SMIM31: variants seen among roughly 807,000 people sequenced by gnomAD.
SMIM31 encodes the protein human epithelial cell program regulator.
intron 2 of SMIM31, among the ~76,000 whole-genome samples, chr4:164,789,384 A>G (rs1733071373): frequency 6.6e-6 from 1 of 152,234 alleles, no homozygotes; most frequent in African/African-American, 2.4e-5. Context: ...TTTCTCAAAT[A>G]TCTATATGGA....
intron 1 of SMIM31, among the ~76,000 whole-genome samples, chr4:164,758,352 T>A (rs1375103558): frequency 1.3e-5 from 2 of 152,106 alleles, no homozygotes; most frequent in African/African-American, 2.4e-5. Flanking sequence ...CTCTTTAGGC[T>A]TTTAAATTTT....
At position 164,772,582 on chromosome 4, in the gene SMIM31, T is replaced by TTTATTTTA. The variant is rs1181390403; in HGVS notation, c.112+2034_112+2035insATTATTTT. Reference sequence around the variant, plus strand: ...GAAGTTTTATTTTTTTTATTTTTATTTTATTTTTTTTTTTGAGACGGAGTC... The same window carrying TTTATTTTA: ...GAAGTTTTATTTTTTTTATTTTTATTTTATTTTATTATTTTTTTTTTTGAGACGGAGTC... On this transcript the variant is annotated intron_variant, in intron 2 of 2. Transcript: ENST00000507311. Among the ~76,000 whole-genome samples, 12 of 73,608 alleles carry TTTATTTTA rather than the reference T, an allele frequency of 1.6e-4. No homozygotes were observed. In the East Asian group the frequency reaches 0.021, roughly 127 times the overall value. The allele number at this position is 73,608 out of a possible 152,430, so 48.3% of individuals were successfully genotyped here. A position where few individuals can be genotyped will look rare whatever the true frequency, so the allele number is the denominator to read the frequency against.
At position 164,757,697 on chromosome 4, in the gene SMIM31, C is replaced by G. The variant is rs561088005; in HGVS notation, c.-26+3286C>G. On this transcript the variant is annotated intron_variant, in intron 1 of 2. Coordinates refer to ENST00000507311, the MANE Select transcript of SMIM31 (RefSeq NM_001352885.1). ...ACATTTTCTTTTCATTACTGAATTG[C>G]TTTGGAGCTTTGTAGGAAATCAAAT... 3.4e-4 allele frequency among the ~76,000 whole-genome samples: 52 copies of G among 151,922 alleles called. 1 individual carries two copies. The highest frequency in any genetic ancestry group is 1.2e-3 in the African/African-American group (50 of 41,464).
intron 1 of SMIM31, among the ~76,000 whole-genome samples, chr4:164,767,840 A>G (rs149121933): frequency 1.3e-5 from 2 of 152,276 alleles, no homozygotes; most frequent in Non-Finnish European, 2.9e-5. Flanking sequence ...TTATCCCACT[A>G]TGTCTTTTCC....
intron 2 of SMIM31, among the ~76,000 whole-genome samples, chr4:164,796,989 T>C (rs993508750): frequency 6.6e-6 from 1 of 152,238 alleles, no homozygotes; most frequent in Non-Finnish European, 1.5e-5. Context: ...GGCCCTTGAC[T>C]ACACTGTTCT....
chr4:164,754,549 G>GTTT (rs1222612662), intron 1 of SMIM31, 138 bp downstream of exon 1: 2 of 112,256 alleles, frequency 1.8e-5, no homozygotes, highest in African/African-American at 7.6e-5. Flanking sequence ...TTTCCTGGAG[G>GTTT]TATTTTTTTT....
chr4:164,786,893 G>A (rs149690312), intron 2 of SMIM31, among the ~76,000 whole-genome samples: 2 of 152,270 alleles, frequency 1.3e-5, no homozygotes, highest in Admixed American at 1.3e-4. Context: ...TTAAAAAATT[G>A]TTTGAGCTTA....
At chr4:164,797,888 C>G (rs978155002) in intron 2 of SMIM31, among the ~76,000 whole-genome samples, 2 of 152,094 alleles carry the variant, frequency 1.3e-5, no homozygotes, top group Non-Finnish European at 2.9e-5. Context: ...ACTCTCCCAC[C>G]CTCCCACCTT....
intron 1 of SMIM31, among the ~76,000 whole-genome samples, chr4:164,759,374 A>G (rs1732615097): frequency 6.6e-6 from 1 of 152,164 alleles, no homozygotes; most frequent in African/African-American, 2.4e-5. Flanking sequence ...AATAATAGCT[A>G]TCATTTTGTG....
intron 2 of SMIM31, among the ~76,000 whole-genome samples, chr4:164,793,835 T>A (rs1733139789): frequency 6.6e-6 from 1 of 152,116 alleles, no homozygotes; most frequent in African/African-American, 2.4e-5. Context: ...TAACACATCA[T>A]ATATATAAAT....
chr4:164,783,232 A>AAAC (rs147369524), intron 2 of SMIM31, among the ~76,000 whole-genome samples: 1 of 127,222 alleles, frequency 7.9e-6, no homozygotes, highest in Non-Finnish European at 1.6e-5. Flanking sequence ...AAAAAAAAAA[A>AAAC]GGAATTTCTG....
At chr4:164,755,205 C>G (rs1732541401) in intron 1 of SMIM31, among the ~76,000 whole-genome samples, 1 of 151,490 alleles carries the variant, frequency 6.6e-6, no homozygotes. Context: ...CACAGCCAGG[C>G]ACGGTGGCTC....
chr4:164,784,239 C>T (rs186270511), intron 2 of SMIM31, among the ~76,000 whole-genome samples: 2 of 152,286 alleles, frequency 1.3e-5, no homozygotes, highest in Admixed American at 1.3e-4. Context: ...GGACAAAAGA[C>T]GTTCCAAGCT....
chr4:164,794,850 A>T (rs151072050), intron 2 of SMIM31, among the ~76,000 whole-genome samples: 1 of 151,698 alleles, frequency 6.6e-6, no homozygotes, highest in African/African-American at 2.4e-5. Flanking sequence ...AAAATAAATG[A>T]ATATATCTTA....
chr4:164,802,416 T>C lies in SMIM31; in HGVS notation c.*1222T>C, dbSNP rs1268268372. 1 of 152,268 alleles carries C rather than the reference T, an allele frequency of 6.6e-6. No individual in the cohort carries two copies. The highest frequency in any genetic ancestry group is 1.5e-5 in the Non-Finnish European group (1 of 68,094). 9.4% of individuals were successfully genotyped at this position (152,268 alleles called of 1,614,324 possible). On this transcript the variant is annotated 3_prime_UTR_variant, in exon 3 of 3. Coordinates refer to ENST00000507311, the MANE Select transcript of SMIM31 (RefSeq NM_001352885.1). ...ACAGCCAGCTAATTTTTGTAATTGT[T>C]TGTAGAACCAAGGCCTCTCTATGTT...
At chr4:164,781,133 C>T (rs954929558) in intron 2 of SMIM31, among the ~76,000 whole-genome samples, 3 of 121,172 alleles carry the variant, frequency 2.5e-5, no homozygotes, top group Non-Finnish European at 5.7e-5. Context: ...TTTACATACA[C>T]ACACACACAC....
chr4:164,771,380 A>G (rs969227678), intron 2 of SMIM31, among the ~76,000 whole-genome samples: 1 of 152,220 alleles, frequency 6.6e-6, no homozygotes, highest in African/African-American at 2.4e-5. Flanking sequence ...TAACTACATA[A>G]TAATGTATTT....
In SMIM31 at chr4:164,754,923, C is replaced by G. The variant is rs77399327; in HGVS notation, c.-26+512C>G. Among the ~76,000 whole-genome samples the G allele has an allele frequency of 4.1e-3, 605 of 149,020 alleles. 8 individuals carry two copies. The highest frequency in any genetic ancestry group is 0.03 in the East Asian group (148 of 4,940). Reference sequence around the variant, plus strand: ...AGCAGATAAATGACGGTATTTCCTCCTGAGTATGATAGAAATATTTTTCTA... The same window carrying G: ...AGCAGATAAATGACGGTATTTCCTCGTGAGTATGATAGAAATATTTTTCTA... On this transcript the variant is annotated intron_variant, in intron 1 of 2. Coordinates refer to ENST00000507311, the MANE Select transcript of SMIM31 (RefSeq NM_001352885.1).
At chr4:164,783,428 G>T (rs1732985806) in intron 2 of SMIM31, among the ~76,000 whole-genome samples, 1 of 151,308 alleles carries the variant, frequency 6.6e-6, no homozygotes, top group African/African-American at 2.4e-5. Context: ...GGAGGCTGAG[G>T]CAGGAGACTC....
Sources: allele counts gnomAD v4.1 joint callset (sites outside exome capture counted in the v4.1 genomes callset), GRCh38; gene constraint gnomAD v4.1.1; transcripts MANE v1.5; gene names NCBI Gene and HGNC (gene_info 2026-07-23, HGNC 2026-07-21).